The following CDCP1 variants were observed in gnomAD, a reference collection of about 807,000 sequenced individuals.
CDCP1 encodes CUB domain containing protein 1.
A neutral mutation model predicts 60.2 loss-of-function variants in CDCP1; 29 were observed. That is an observed-to-expected ratio of 0.48 (90% CI 0.36 to 0.66). The LOEUF (loss-of-function observed/expected upper bound fraction) is 0.66, where lower values mean the gene tolerates loss of function less well. CDCP1 is among the 30% of genes least tolerant of loss of function. The pLI is 0.00. For synonymous variants in CDCP1, 387 were observed against 431.1 expected (o/e 0.90, Z 1.27); for missense variants, 876 against 1,074.3 (o/e 0.82, Z 2.58).
At chr3:45,090,941 C>G (rs147928847) in intron 7 of CDCP1, among the ~76,000 whole-genome samples, 1 of 152,304 alleles carries the variant, frequency 6.6e-6, no homozygotes, top group Non-Finnish European at 1.5e-5. Flanking sequence ...CCTGATAAGT[C>G]CAGCTCAGAC....
intron 3 of CDCP1, among the ~76,000 whole-genome samples, chr3:45,111,123 G>A (rs961508558): frequency 1.3e-5 from 2 of 152,154 alleles, no homozygotes; most frequent in South Asian, 4.1e-4. Context: ...TCCCACCACG[G>A]TTGATTTCAA....
At chr3:45,146,119 G>GCACCCTA in intron 1 of CDCP1, 87 bp downstream of exon 1, 1 of 1,106,660 alleles carries the variant, frequency 9.0e-7, no homozygotes, top group Non-Finnish European at 1.3e-6. Context: ...TCCGCACCCT[G>GCACCCTA]CGTCCCTCGG....
chr3:45,142,082 C>T (rs532631599), intron 1 of CDCP1, among the ~76,000 whole-genome samples: 1 of 152,296 alleles, frequency 6.6e-6, no homozygotes, highest in African/African-American at 2.4e-5. Flanking sequence ...ATCTGCCCCC[C>T]TCAGCATCCC....
At chr3:45,095,681 G>A (rs1349226311) in intron 4 of CDCP1, 113 bp from the exon 5 acceptor site, 1 of 763,458 alleles carries the variant, frequency 1.3e-6, no homozygotes, top group African/African-American at 1.7e-5. Flanking sequence ...TCAGACCATG[G>A]ATGGATAATG....
intron 8 of CDCP1, among the ~76,000 whole-genome samples, chr3:45,086,720 T>C (rs916693587): frequency 5.3e-5 from 8 of 152,070 alleles, no homozygotes; most frequent in African/African-American, 1.9e-4. Flanking sequence ...AGTGCCAGAG[T>C]TCTTCAATAA....
At chr3:45,130,685 AC>A (rs1455663888) in intron 1 of CDCP1, among the ~76,000 whole-genome samples, 1 of 152,004 alleles carries the variant, frequency 6.6e-6, no homozygotes, top group Non-Finnish European at 1.5e-5. Context: ...GAGGAGAAAA[AC>A]CTGTTGGTCC....
intron 4 of CDCP1, among the ~76,000 whole-genome samples, chr3:45,106,637 C>T (rs1031616805): frequency 5.9e-5 from 9 of 152,140 alleles, no homozygotes; most frequent in African/African-American, 2.2e-4. Context: ...AAGATGCAGA[C>T]GTGGAGACAG....
chr3:45,088,212 T>C (rs573774647), intron 8 of CDCP1, among the ~76,000 whole-genome samples: 26 of 152,170 alleles, frequency 1.7e-4, no homozygotes, highest in Admixed American at 1.7e-3. Flanking sequence ...CCAGGTACGG[T>C]GGCTCATGCC....
Position 45,112,098 on chromosome 3 carries a change from G to T in CDCP1, c.640C>A (p.Arg214Ser). Reference sequence around the variant, plus strand: ...GCTTTCTCACGTTTTATAGATGAGCGGTTTGCAATGCTGAAGCCGGAGACA... The same window carrying T: ...GCTTTCTCACGTTTTATAGATGAGCTGTTTGCAATGCTGAAGCCGGAGACA... Reference protein sequence around the residue: ...RNVSGFSIANRSSIKRLCIIE... With the variant: ...RNVSGFSIANSSSIKRLCIIE... Residue 214 changes from arginine to serine, a missense_variant, in exon 3 of 9, where the codon CGC becomes AGC. Arg to Ser is a moderately radical substitution (Grantham distance 110, BLOSUM62 -1). Transcript: ENST00000296129. 1 of 1,613,562 alleles carries T rather than the reference G, an allele frequency of 6.2e-7. No homozygotes were observed. Among genetic ancestry groups the T allele is most frequent in the Non-Finnish European group, 8.5e-7 (1 of 1,179,624 alleles).
At chr3:45,117,953 C>T (rs1023233536) in intron 2 of CDCP1, among the ~76,000 whole-genome samples, 12 of 152,188 alleles carry the variant, frequency 7.9e-5, no homozygotes, top group African/African-American at 1.9e-4. Flanking sequence ...TGAACCACCA[C>T]GCCCGGCCTC....
At chr3:45,132,306 C>T (rs569788049) in intron 1 of CDCP1, among the ~76,000 whole-genome samples, 2 of 151,812 alleles carry the variant, frequency 1.3e-5, no homozygotes, top group African/African-American at 2.4e-5. Context: ...GCTGCTTAAA[C>T]TAAAAATAAA....
rs1018758065 is a variant in CDCP1 at position 45,112,031 on chromosome 3, G to T, written c.655+52C>A. On this transcript the variant is annotated intron_variant, in intron 3 of 8. Transcript: ENST00000296129. ...TTGACCATTTCTGACCTAGAACAAT[G>T]ATGATCTTGTGTGTTTTAACCTAAT... is the stretch of plus-strand genomic sequence containing the variant. 3.2e-6 allele frequency: 5 copies of T among 1,575,932 alleles called. No homozygotes were observed. In the South Asian group the frequency reaches 5.8e-5, roughly 18 times the overall value.
chr3:45,091,850 G>C lies in CDCP1; in HGVS notation c.1628-312C>G, dbSNP rs974714581. ...TGCCCAGGCTAGAGTGCAGTGGCAC[G>C]ATCTCGGCTCACTGCAAACTGCAAC... On this transcript the variant is annotated intron_variant, in intron 6 of 8. Transcript: ENST00000296129. This position sits in a 1 kb window ranked among gnomAD's most constrained non-coding sequence, Gnocchi z 4.8. Among the ~76,000 whole-genome samples the C allele has an allele frequency of 2.6e-5, 4 of 152,194 alleles. No individual in the cohort carries two copies. Among genetic ancestry groups the C allele is most frequent in the Non-Finnish European group, 5.9e-5 (4 of 68,024 alleles).
chr3:45,092,724 G>A (rs989546910), intron 6 of CDCP1, among the ~76,000 whole-genome samples: 1 of 152,148 alleles, frequency 6.6e-6, no homozygotes, highest in Non-Finnish European at 1.5e-5. Flanking sequence ...TAGAAGTCAC[G>A]TTGTGAGCCA....
intron 1 of CDCP1, among the ~76,000 whole-genome samples, chr3:45,141,512 A>G (rs1297323482): frequency 6.6e-6 from 1 of 152,254 alleles, no homozygotes; most frequent in African/African-American, 2.4e-5. Flanking sequence ...GTTTTCATAC[A>G]GAATGTCTGG....
intron 1 of CDCP1, among the ~76,000 whole-genome samples, chr3:45,121,661 G>A (rs1289473403): frequency 6.6e-6 from 1 of 152,132 alleles, no homozygotes; most frequent in African/African-American, 2.4e-5. Flanking sequence ...GAGCTGCATT[G>A]CCTAAGGCTA....
chr3:45,095,468 G>C lies in CDCP1; in HGVS notation c.1125C>G (p.Phe375Leu). Residue 375 changes from phenylalanine (F) to leucine (L), a missense_variant, in exon 5 of 9, where the codon TTC becomes TTG. Coordinates refer to ENST00000296129, the MANE Select transcript of CDCP1 (RefSeq NM_022842.5). ...TGCAGGTCCGAGATTCTAGACACAC[G>C]AAACAGCCAGGGACAAACTTGCGGC... ...KQSRKFVPGCFVCLESRTCSS... is the reference protein window; with the variant it reads ...KQSRKFVPGCLVCLESRTCSS... 4 of 1,614,160 alleles carry C rather than the reference G, an allele frequency of 2.5e-6. No individual in the cohort carries two copies. Among genetic ancestry groups the C allele is most frequent in the Non-Finnish European group, 3.4e-6 (4 of 1,180,024 alleles).
rs111756057 is a variant in CDCP1 at position 45,126,100 on chromosome 3, GTCTC to G, written c.83-7483_83-7480del. On this transcript the variant is annotated intron_variant, in intron 1 of 8. Transcript: ENST00000296129. ...AGAGGAGCAACTGCTGCCATTCTTT[GTCTC>G]TCTCTCTTTCTTTCTTTCTTTCTTT... Among the ~76,000 whole-genome samples the G allele has an allele frequency of 3.5e-5, 4 of 112,936 alleles. 1 individual carries two copies. Among genetic ancestry groups the G allele is most frequent in the South Asian group, 5.8e-4 (2 of 3,450 alleles). The allele number at this position is 112,936 out of a possible 152,430, so 74.1% of individuals were successfully genotyped here.
rs148271891 is a variant in CDCP1, at chr3:45,110,639, C to T, written c.858G>A (p.Pro286=). The change falls in exon 4 of 9, where the codon CCG becomes CCA. Residue 286 remains proline, a synonymous_variant. Transcript: ENST00000296129. ...ACACCTCGGGGTTGGTGGTGGAGCC[C>T]GGGATGTAGTATTCAACCCGCTCCT... is the stretch of plus-strand genomic sequence containing the variant. The part of the protein sequence containing the change: ...RKEERVEYYI[P]GSTTNPEVFK... 6.2e-4 allele frequency: 996 copies of T among 1,613,990 alleles called. No individual in the cohort carries two copies. Among genetic ancestry groups the T allele is most frequent in the Non-Finnish European group, 7.8e-4 (917 of 1,180,024 alleles).
Sources: gnomAD v4.1 joint callset for allele counts (sites outside exome capture counted in the v4.1 genomes callset) on GRCh38, gnomAD v4.1.1 for gene constraint, Gnocchi (gnomAD v3.1) non-coding constraint, MANE v1.5 for transcripts, NCBI Gene and HGNC (gene_info 2026-07-23, HGNC 2026-07-21) for gene names.